The following MAN1A2 variants were observed in gnomAD, a reference collection of about 807,000 sequenced individuals.
MAN1A2 encodes mannosidase alpha class 1A member 2, also known as mannosyl-oligosaccharide 1,2-alpha-mannosidase IB.
A neutral mutation model predicts 75.7 loss-of-function variants in MAN1A2; 26 were observed. The ratio of observed to expected loss-of-function variants is 0.34; its 90% confidence interval spans 0.25 to 0.48. The LOEUF is 0.48. Ranked by LOEUF, MAN1A2 falls within the 20% of genes least tolerant of loss-of-function variation. The pLI is 0.99. For missense variants in MAN1A2, 562 were observed against 775.5 expected, an observed-to-expected ratio of 0.72 and a Z score of 3.27; for synonymous variants, 247 against 264.6, an observed-to-expected ratio of 0.93 and a Z score of 0.65.
chr1:117,373,442 G>A (rs554604436), intron 1 of MAN1A2, among the ~76,000 whole-genome samples: 1 of 145,786 alleles, frequency 6.9e-6, no homozygotes, highest in Non-Finnish European at 1.5e-5. Flanking sequence ...TGTATTTGAC[G>A]TTTGTCAACA....
At chr1:117,438,839 G>A (rs1375431009) in intron 5 of MAN1A2, among the ~76,000 whole-genome samples, 1 of 152,148 alleles carries the variant, frequency 6.6e-6, no homozygotes, top group Non-Finnish European at 1.5e-5. Context: ...ACCCTATGAT[G>A]TTTGCACAAT....
At chr1:117,480,824 A>T (rs1040481683) in intron 8 of MAN1A2, among the ~76,000 whole-genome samples, 47 of 151,938 alleles carry the variant, frequency 3.1e-4, no homozygotes, top group African/African-American at 1.1e-3. Context: ...CATGAACTTG[A>T]GGTTCAAAGA....
rs779125863 is a variant in MAN1A2 at position 117,524,576 on chromosome 1, C to T, written c.*1619C>T. ...TTGTTTGATAAGCTTTTCTTTTAAA[C>T]TTAGGTTTTAAGTTGGGGAAAGACT... On this transcript the variant is annotated 3_prime_UTR_variant, in exon 13 of 13. Coordinates refer to ENST00000356554, the MANE Select transcript of MAN1A2 (RefSeq NM_006699.5). The T allele has an allele frequency of 4.0e-5, 6 of 151,696 alleles. No homozygotes were observed. Among genetic ancestry groups the T allele is most frequent in the Non-Finnish European group, 1.5e-5 (1 of 67,772 alleles). The allele number at this position is 151,696 out of a possible 1,614,324, so 9.4% of individuals were successfully genotyped here.
intron 5 of MAN1A2, among the ~76,000 whole-genome samples, chr1:117,423,206 G>A (rs551635888): frequency 4.6e-5 from 7 of 152,036 alleles, no homozygotes; most frequent in Non-Finnish European, 1.0e-4. Flanking sequence ...GTATGTGTGG[G>A]TCTACTCTAG....
At chr1:117,371,174 G>A (rs1043401455) in intron 1 of MAN1A2, among the ~76,000 whole-genome samples, 2 of 151,940 alleles carry the variant, frequency 1.3e-5, no homozygotes, top group African/African-American at 2.4e-5. Context: ...ATTTTTATTC[G>A]GAATCTACTT....
In MAN1A2 at chr1:117,526,880, C is replaced by CTCTCTCTCTCTA; in HGVS notation, c.*3924_*3925insCTCTCTCTCTAT. ...TCTCTCTCTCTCTCTCTCTCTCTCT[C>CTCTCTCTCTCTA]TATATATATATATATATATATATAT... On this transcript the variant is annotated 3_prime_UTR_variant, in exon 13 of 13. Transcript: ENST00000356554. 2.3e-3 allele frequency: 128 copies of CTCTCTCTCTCTA among 54,500 alleles called. No homozygotes were observed. The highest frequency in any genetic ancestry group is 3.3e-3 in the Non-Finnish European group (95 of 29,150). 3.4% of individuals were successfully genotyped at this position (54,500 alleles called of 1,614,324 possible). A position where few individuals can be genotyped will look rare whatever the true frequency, so the allele number is the denominator to read the frequency against.
chr1:117,476,766 T>C (rs1650327438), intron 8 of MAN1A2, among the ~76,000 whole-genome samples: 1 of 152,114 alleles, frequency 6.6e-6, no homozygotes, highest in Non-Finnish European at 1.5e-5. Context: ...TGTAGCCTCA[T>C]AGTATAGTTT....
Position 117,475,269 on chromosome 1 carries a change from A to G in MAN1A2, c.1168+8842A>G, listed in dbSNP as rs1650280724. Among the ~76,000 whole-genome samples, 3 of 151,930 alleles carry G rather than the reference A, an allele frequency of 2.0e-5. No homozygotes were observed. In the South Asian group the frequency reaches 6.2e-4, roughly 32 times the overall value. ...AGTTGTTTTCCAGAGTACATATACC[A>G]TTTTACATTGCTATCAGTAGTGTTT... is the stretch of plus-strand genomic sequence containing the variant. On this transcript the variant is annotated intron_variant, in intron 8 of 12. Transcript: ENST00000356554.
intron 11 of MAN1A2, among the ~76,000 whole-genome samples, chr1:117,502,608 A>T (rs577309289): frequency 6.6e-6 from 1 of 151,832 alleles, no homozygotes; most frequent in East Asian, 1.9e-4. Context: ...AGTTAGGAAA[A>T]TATAAGATGT....
At chr1:117,446,912 T>G (rs1030516618) in intron 6 of MAN1A2, among the ~76,000 whole-genome samples, 4 of 152,118 alleles carry the variant, frequency 2.6e-5, no homozygotes, top group Non-Finnish European at 5.9e-5. Flanking sequence ...CTTCTCTATT[T>G]CTGTCAATTT....
intron 4 of MAN1A2, among the ~76,000 whole-genome samples, chr1:117,415,631 T>C (rs1404363956): frequency 2.0e-5 from 3 of 151,162 alleles, no homozygotes; most frequent in Non-Finnish European, 4.4e-5. Context: ...ATAGAAAACC[T>C]AATATAAAAG....
At chr1:117,440,155 A>G (rs1266484436) in intron 5 of MAN1A2, among the ~76,000 whole-genome samples, 1 of 152,222 alleles carries the variant, frequency 6.6e-6, no homozygotes, top group African/African-American at 2.4e-5. Flanking sequence ...ATGTTAAAGT[A>G]ACAAGTTCAG....
At chr1:117,400,735 A>C (rs1404172220) in intron 1 of MAN1A2, among the ~76,000 whole-genome samples, 3 of 152,150 alleles carry the variant, frequency 2.0e-5, no homozygotes, top group Admixed American at 1.3e-4. Flanking sequence ...GATATACCAC[A>C]GTTTTGTTTA....
chr1:117,505,641 T>C (rs754107656), intron 12 of MAN1A2, among the ~76,000 whole-genome samples: 2 of 151,266 alleles, frequency 1.3e-5, no homozygotes, highest in African/African-American at 2.4e-5. Flanking sequence ...ACATTCAGCA[T>C]TGCACTTCCT....
At chr1:117,401,790 G>A (rs1445441696) in intron 1 of MAN1A2, among the ~76,000 whole-genome samples, 7 of 152,052 alleles carry the variant, frequency 4.6e-5, no homozygotes, top group Non-Finnish European at 7.4e-5. Flanking sequence ...AAAACTTCCT[G>A]TTCTCTTATC....
At position 117,524,008 on chromosome 1, in the gene MAN1A2, CA is replaced by C. The variant is rs775198832; in HGVS notation, c.*1052del. ...TTATAACTTACTAAAGCAGAACAAA[CA>C]GTGAAACTTTCTAAAATATTCTATC... On this transcript the variant is annotated 3_prime_UTR_variant, in exon 13 of 13. Coordinates refer to ENST00000356554, the MANE Select transcript of MAN1A2 (RefSeq NM_006699.5). 6.6e-6 allele frequency: 1 copy of C among 152,236 alleles called. No homozygotes were observed. Among genetic ancestry groups the C allele is most frequent in the Non-Finnish European group, 1.5e-5 (1 of 67,790 alleles). 9.4% of individuals were successfully genotyped at this position (152,236 alleles called of 1,614,324 possible). A position where few individuals can be genotyped will look rare whatever the true frequency, so the allele number is the denominator to read the frequency against.
intron 5 of MAN1A2, among the ~76,000 whole-genome samples, chr1:117,435,785 C>G (rs770607705): frequency 3.3e-5 from 5 of 152,118 alleles, no homozygotes; most frequent in Non-Finnish European, 5.9e-5. Flanking sequence ...TGGCCTTGCG[C>G]GGTGGCTCAT....
intron 5 of MAN1A2, among the ~76,000 whole-genome samples, chr1:117,436,089 C>T (rs960206472): frequency 9.2e-5 from 14 of 152,002 alleles, no homozygotes; most frequent in African/African-American, 3.4e-4. Context: ...ATTTATTTTT[C>T]AGAAGTCTAG....
Position 117,499,529 on chromosome 1 carries a change from G to A in MAN1A2, c.1652G>A (p.Arg551Lys), listed in dbSNP as rs760443698. 6.2e-7 allele frequency: 1 copy of A among 1,605,816 alleles called. No individual in the cohort carries two copies. Among genetic ancestry groups the A allele is most frequent in the Non-Finnish European group, 8.5e-7 (1 of 1,176,070 alleles). The change falls in exon 11 of 13, where the codon AGG (arginine) becomes AAG (lysine). Residue 551 changes from arginine to lysine, a missense_variant. This residue lies in a region of MAN1A2 where 434 missense variants were observed against 645.7 expected (regional missense o/e 0.67). Coordinates refer to ENST00000356554, the MANE Select transcript of MAN1A2 (RefSeq NM_006699.5). ...CGATTCACTCACGATCCAAGATACA[G>A]GCAGTGGGGCTGGGAAGCAGCACTG... is the stretch of plus-strand genomic sequence containing the variant. ...LWRFTHDPRY[R>K]QWGWEAALAI...
Sources: allele counts gnomAD v4.1 joint callset (sites outside exome capture counted in the v4.1 genomes callset), GRCh38; gene constraint gnomAD v4.1.1; regional missense constraint gnomAD v4.1.1; transcripts MANE v1.5; gene names NCBI Gene and HGNC (gene_info 2026-07-23, HGNC 2026-07-21).